WWOX: variants seen among roughly 807,000 people sequenced by gnomAD.
WWOX encodes WW domain containing oxidoreductase.
WWOX carries 69 observed loss-of-function variants against 46.2 expected under a neutral mutation model. The observed-to-expected ratio is 1.49, with a 90% CI of 1.23 to 1.82. The LOEUF is 1.82. WWOX is among the 40% of genes most tolerant of loss of function. WWOX has a pLI of 0.00. For missense variants in WWOX, 919 were observed against 542.6 expected (o/e 1.69, Z -6.89); for synonymous variants, 359 against 202.6 (o/e 1.77, Z -6.56).
At chr16:78,874,974 G>T (rs1597092502) in intron 8 of WWOX, among the ~76,000 whole-genome samples, 1 of 152,122 alleles carries the variant, frequency 6.6e-6, no homozygotes, top group East Asian at 1.9e-4. Flanking sequence ...ACTTCACGTT[G>T]CATACATGCC....
rs543119150 is a variant in WWOX at position 78,636,917 on chromosome 16, A to G, written c.1056+204165A>G. 2.0e-5 allele frequency among the ~76,000 whole-genome samples: 3 copies of G among 152,302 alleles called. 1 individual carries two copies. The South Asian group carries it at 6.2e-4, about 32-fold the overall frequency. ...CAATCTGAGGGCCTGTGCATTAGTT[A>G]AAACTCCTTATCTGGTCATAGAGGG... On this transcript the variant is annotated intron_variant, in intron 8 of 8. Transcript: ENST00000566780.
At chr16:78,885,373 T>G (rs1057083004) in intron 8 of WWOX, among the ~76,000 whole-genome samples, 1 of 152,210 alleles carries the variant, frequency 6.6e-6, no homozygotes, top group African/African-American at 2.4e-5. Context: ...AAGAACACTT[T>G]TTGGCTCCTG....
At position 78,820,248 on chromosome 16, in the gene WWOX, G is replaced by T. The variant is rs187454455; in HGVS notation, c.1056+387496G>T. Among the ~76,000 whole-genome samples the T allele has an allele frequency of 3.9e-5, 6 of 152,246 alleles. No individual in the cohort carries two copies. The East Asian group carries it at 1.2e-3, about 29-fold the overall frequency. ...GTCATGGACACTGCTAAGTTTTGAT[G>T]CCAAAGAGCCAAATTTGCAGTACCA... On this transcript the variant is annotated intron_variant, in intron 8 of 8. Transcript: ENST00000566780.
intron 8 of WWOX, among the ~76,000 whole-genome samples, chr16:78,954,870 G>A (rs963802046): frequency 6.6e-6 from 1 of 152,218 alleles, no homozygotes; most frequent in East Asian, 1.9e-4. Context: ...GCTCACTCCA[G>A]TCTTGAGCTC....
intron 5 of WWOX, among the ~76,000 whole-genome samples, chr16:78,327,085 C>G (rs568080494): frequency 3.3e-5 from 5 of 152,294 alleles, no homozygotes; most frequent in African/African-American, 1.2e-4. Context: ...CCATGCACCT[C>G]AAATCCTGAC....
intron 8 of WWOX, among the ~76,000 whole-genome samples, chr16:78,543,917 T>A (rs1239756099): frequency 6.6e-6 from 1 of 152,146 alleles, no homozygotes; most frequent in Non-Finnish European, 1.5e-5. Flanking sequence ...TAAACTAACA[T>A]CTCAACAGCC....
At chr16:78,602,209 A>T (rs1309203597) in intron 8 of WWOX, among the ~76,000 whole-genome samples, 1 of 152,098 alleles carries the variant, frequency 6.6e-6, no homozygotes, top group Non-Finnish European at 1.5e-5. Flanking sequence ...TTCGTATTTT[A>T]TTCTCCTGTT....
intron 8 of WWOX, among the ~76,000 whole-genome samples, chr16:79,011,507 T>TTTATTTA (rs1567482731): frequency 6.6e-4 from 76 of 114,672 alleles, no homozygotes; most frequent in African/African-American, 1.9e-3. Context: ...TTATTTATTT[T>TTTATTTA]TTGAGACAGG....
At chr16:78,725,031 C>G (rs771822541) in intron 8 of WWOX, among the ~76,000 whole-genome samples, 4 of 152,124 alleles carry the variant, frequency 2.6e-5, no homozygotes, top group Non-Finnish European at 5.9e-5. Flanking sequence ...AATTGTAGCT[C>G]CCATAATTCC....
intron 8 of WWOX, among the ~76,000 whole-genome samples, chr16:78,572,718 C>T (rs559647448): frequency 6.9e-6 from 1 of 144,636 alleles, no homozygotes; most frequent in South Asian, 2.3e-4. Flanking sequence ...TTTGATAAAA[C>T]TATAAAGAAA....
intron 5 of WWOX, chr16:78,167,633 C>T (rs11150045): frequency 6.6e-6 from 1 of 151,976 alleles, no homozygotes; most frequent in Non-Finnish European, 1.5e-5. Flanking sequence ...CTTGTTCTCT[C>T]TGTATGCCAT....
In WWOX at chr16:78,722,079, T is replaced by C. The variant is rs533957864; in HGVS notation, c.1056+289327T>C. 1.5e-3 allele frequency among the ~76,000 whole-genome samples: 226 copies of C among 152,334 alleles called. 2 individuals carry two copies. Among genetic ancestry groups the C allele is most frequent in the African/African-American group, 4.8e-3 (200 of 41,574 alleles). On this transcript the variant is annotated intron_variant, in intron 8 of 8. Coordinates refer to ENST00000566780, the MANE Select transcript of WWOX (RefSeq NM_016373.4). Reference sequence around the variant, plus strand: ...CAAGAAGCTAAGACTTTGTATTATATTTTGCTTTACGTGCCTTGATTAAGG... The same window carrying C: ...CAAGAAGCTAAGACTTTGTATTATACTTTGCTTTACGTGCCTTGATTAAGG...
intron 8 of WWOX, among the ~76,000 whole-genome samples, chr16:79,200,846 C>T (rs911093996): frequency 6.6e-5 from 10 of 152,192 alleles, no homozygotes; most frequent in African/African-American, 1.7e-4. Context: ...AGGTGACAGG[C>T]GAGTCTCTAT....
intron 8 of WWOX, among the ~76,000 whole-genome samples, chr16:78,991,351 TG>T (rs2046882850): frequency 6.6e-6 from 1 of 152,072 alleles, no homozygotes; most frequent in South Asian, 2.1e-4. Flanking sequence ...TCCAGCATTT[TG>T]GGAGGCTGAG....
intron 8 of WWOX, among the ~76,000 whole-genome samples, chr16:78,608,815 C>T (rs974303838): frequency 2.0e-5 from 3 of 152,146 alleles, no homozygotes; most frequent in Admixed American, 2.0e-4. Context: ...CTGTTCCCTC[C>T]CTTTATTTTT....
intron 8 of WWOX, among the ~76,000 whole-genome samples, chr16:78,705,137 T>C (rs1386611775): frequency 1.3e-5 from 2 of 152,164 alleles, no homozygotes; most frequent in African/African-American, 4.8e-5. Context: ...GAAAAGGCTG[T>C]GATTTTCTTT....
Position 78,886,284 on chromosome 16 carries a change from TA to T in WWOX, c.1057-325313del, listed in dbSNP as rs550454378. ...TTGTACACATTTGGTATTTTTTCTT[TA>T]AAAAAAAAAAGCATTTACTTTTTGC... On this transcript the variant is annotated intron_variant, in intron 8 of 8. Transcript: ENST00000566780. Among the ~76,000 whole-genome samples, 99 of 144,354 alleles carry T rather than the reference TA, an allele frequency of 6.9e-4. 1 individual carries two copies. Among genetic ancestry groups the T allele is most frequent in the East Asian group, 2.4e-3 (12 of 5,034 alleles). 94.7% of individuals were successfully genotyped at this position (144,354 alleles called of 152,430 possible).
intron 8 of WWOX, among the ~76,000 whole-genome samples, chr16:78,937,031 C>T (rs528564439): frequency 6.6e-6 from 1 of 152,212 alleles, no homozygotes; most frequent in Non-Finnish European, 1.5e-5. Context: ...ATGTACTAAA[C>T]CTGGTCCTGG....
chr16:78,570,538 G>A (rs2044689868), intron 8 of WWOX, among the ~76,000 whole-genome samples: 1 of 151,946 alleles, frequency 6.6e-6, no homozygotes, highest in Non-Finnish European at 1.5e-5. Flanking sequence ...GGTCTCATAT[G>A]CCTGGACTCA....
Sources: allele counts gnomAD v4.1 joint callset (sites outside exome capture counted in the v4.1 genomes callset), GRCh38; gene constraint gnomAD v4.1.1; transcripts MANE v1.5; gene names NCBI Gene and HGNC (gene_info 2026-07-23, HGNC 2026-07-21).